DPYD: variants seen among roughly 807,000 people sequenced by gnomAD.
The protein encoded by DPYD is dihydropyrimidine dehydrogenase, also known as dihydropyrimidine dehydrogenase [NADP(+)].
DPYD carries 109 observed loss-of-function variants against 116.2 expected under a neutral mutation model. The ratio of observed to expected loss-of-function variants is 0.94; its 90% CI spans 0.80 to 1.10. The LOEUF (loss-of-function observed/expected upper bound fraction) is 1.10, where lower values mean the gene tolerates loss of function less well. Among genes scored for constraint, DPYD ranks in the 50% least tolerant of loss-of-function variants. The pLI is 0.00. For synonymous variants in DPYD, 440 were observed against 432.0 expected (o/e 1.02, Z -0.23); for missense variants, 1,302 against 1,254.5 (o/e 1.04, Z -0.57).
chr1:97,758,360 C>CA lies in DPYD; in HGVS notation c.234-17882dup, dbSNP rs34224428. Among the ~76,000 whole-genome samples the CA allele has an allele frequency of 5.3e-3, 738 of 138,906 alleles. 7 individuals are homozygous for CA. The highest frequency in any genetic ancestry group is 0.018 in the African/African-American group (662 of 37,302). The allele number at this position is 138,906 out of a possible 152,430, so 91.1% of individuals were successfully genotyped here. On this transcript the variant is annotated intron_variant, in intron 3 of 22. Coordinates refer to ENST00000370192, the MANE Select transcript of DPYD (RefSeq NM_000110.4). The stretch of plus-strand genomic sequence containing the variant: ...CAAAAGTGTTATCAGATTATGAGAG[C>CA]AAAAAAAAAAAAAACAGTTTCATTT...
At chr1:97,742,480 C>A (rs1664323674) in intron 3 of DPYD, among the ~76,000 whole-genome samples, 2 of 152,140 alleles carry the variant, frequency 1.3e-5, no homozygotes, top group South Asian at 4.1e-4. Context: ...TAAACCTCTT[C>A]CCTATCATTT....
At chr1:97,779,405 T>C (rs984799670) in intron 3 of DPYD, among the ~76,000 whole-genome samples, 1 of 151,950 alleles carries the variant, frequency 6.6e-6, no homozygotes, top group African/African-American at 2.4e-5. Flanking sequence ...AAAAAGACTG[T>C]AAACATAAAT....
At chr1:97,885,890 G>C (rs530614606) in intron 1 of DPYD, among the ~76,000 whole-genome samples, 1 of 152,016 alleles carries the variant, frequency 6.6e-6, no homozygotes, top group Non-Finnish European at 1.5e-5. Context: ...ATTTGCACCT[G>C]AGTAGCTCAA....
intron 8 of DPYD, among the ~76,000 whole-genome samples, chr1:97,619,791 A>G (rs573242860): frequency 1.3e-5 from 2 of 152,270 alleles, no homozygotes; most frequent in African/African-American, 2.4e-5. Flanking sequence ...AAATGGATAT[A>G]TTTAATATGA....
At chr1:97,555,931 A>G (rs1651670650) in intron 11 of DPYD, among the ~76,000 whole-genome samples, 1 of 152,152 alleles carries the variant, frequency 6.6e-6, no homozygotes, top group Non-Finnish European at 1.5e-5. Context: ...GTACCTCCCA[A>G]TTTAAAACCA....
At chr1:97,844,253 C>G (rs1236403485) in intron 2 of DPYD, among the ~76,000 whole-genome samples, 1 of 152,170 alleles carries the variant, frequency 6.6e-6, no homozygotes, top group Non-Finnish European at 1.5e-5. Context: ...TCCCTGTTTT[C>G]TGGCACACAG....
At chr1:97,776,618 G>A (rs984120294) in intron 3 of DPYD, among the ~76,000 whole-genome samples, 7 of 152,078 alleles carry the variant, frequency 4.6e-5, no homozygotes, top group African/African-American at 1.7e-4. Context: ...AAGAAGTAGT[G>A]GAGACCCAGG....
chr1:97,290,948 G>C (rs1666106169), intron 18 of DPYD, among the ~76,000 whole-genome samples: 1 of 151,762 alleles, frequency 6.6e-6, no homozygotes, highest in Non-Finnish European at 1.5e-5. Flanking sequence ...CTGACAAAGG[G>C]CTAATATCCA....
intron 18 of DPYD, among the ~76,000 whole-genome samples, chr1:97,237,579 A>G (rs1662037731): frequency 6.6e-6 from 1 of 152,182 alleles, no homozygotes; most frequent in African/African-American, 2.4e-5. Flanking sequence ...TTATGTTTTA[A>G]CCATAAAAAG....
chr1:97,397,741 C>A (rs1324855836), intron 14 of DPYD, among the ~76,000 whole-genome samples: 2 of 151,922 alleles, frequency 1.3e-5, no homozygotes, highest in African/African-American at 4.8e-5. Context: ...TCTGTATGTA[C>A]CAAAGTTTAT....
intron 10 of DPYD, among the ~76,000 whole-genome samples, chr1:97,581,109 T>C (rs1653631070): frequency 6.6e-6 from 1 of 151,752 alleles, no homozygotes; most frequent in Non-Finnish European, 1.5e-5. Context: ...ATCCAGACCA[T>C]CCTGGCTAGC....
intron 21 of DPYD, among the ~76,000 whole-genome samples, chr1:97,092,952 C>G (rs1328099654): frequency 6.6e-6 from 1 of 152,026 alleles, no homozygotes; most frequent in Non-Finnish European, 1.5e-5. Context: ...ATTACCATAG[C>G]CAATTACCAA....
intron 19 of DPYD, among the ~76,000 whole-genome samples, chr1:97,197,869 G>A (rs1658923684): frequency 6.6e-6 from 1 of 152,184 alleles, no homozygotes; most frequent in Non-Finnish European, 1.5e-5. Context: ...GGGATAGTGT[G>A]CAATGCTGGA....
chr1:97,501,265 T>TA (rs1360405813), intron 13 of DPYD, among the ~76,000 whole-genome samples: 1 of 152,156 alleles, frequency 6.6e-6, no homozygotes, highest in African/African-American at 2.4e-5. Context: ...AAAATGGTTA[T>TA]AGAGCCAACT....
chr1:97,856,409 A>AG (rs1311077987), intron 2 of DPYD: 1 of 152,188 alleles, frequency 6.6e-6, no homozygotes, highest in African/African-American at 2.4e-5. Flanking sequence ...AAAAGTTTTT[A>AG]GAAAAAAAAA....
At chr1:97,185,745 G>A (rs1423910326) in intron 20 of DPYD, among the ~76,000 whole-genome samples, 1 of 152,114 alleles carries the variant, frequency 6.6e-6, no homozygotes, top group African/African-American at 2.4e-5. Context: ...CCATTTATGT[G>A]AATGCTAAAA....
At chr1:97,455,517 T>C (rs1025460705) in intron 13 of DPYD, among the ~76,000 whole-genome samples, 1 of 151,920 alleles carries the variant, frequency 6.6e-6, no homozygotes, top group African/African-American at 2.4e-5. Flanking sequence ...AAGTACAACA[T>C]AACCATACAT....
intron 14 of DPYD, among the ~76,000 whole-genome samples, chr1:97,398,720 G>C (rs564125846): frequency 6.6e-6 from 1 of 152,224 alleles, no homozygotes; most frequent in South Asian, 2.1e-4. Flanking sequence ...TTTTTCATTT[G>C]TCTGATGGCT....
chr1:97,494,965 T>C (rs1273683876), intron 13 of DPYD, among the ~76,000 whole-genome samples: 2 of 152,180 alleles, frequency 1.3e-5, no homozygotes, highest in Non-Finnish European at 2.9e-5. Flanking sequence ...AGACTGTGCA[T>C]GGCACCCTCA....
Sources: gnomAD v4.1 joint callset for allele counts (sites outside exome capture counted in the v4.1 genomes callset) on GRCh38, gnomAD v4.1.1 for gene constraint, MANE v1.5 for transcripts, NCBI Gene and HGNC (gene_info 2026-07-23, HGNC 2026-07-21) for gene names.